The following ANK3 variants were observed in gnomAD, a reference collection of about 807,000 sequenced individuals.
ANK3 encodes ankyrin 3.
ANK3 carries 57 observed loss-of-function variants against 370.9 expected under a neutral mutation model. The observed-to-expected ratio is 0.15, with a 90% CI of 0.12 to 0.19. The LOEUF is 0.19. ANK3 is among the 10% of genes least tolerant of loss of function. ANK3 has a pLI of 1.00. For synonymous variants in ANK3, 1,929 were observed against 1,946.3 expected (o/e 0.99, Z 0.23); for missense variants, 4,439 against 5,302.1 (o/e 0.84, Z 5.06).
chr10:60,495,459 A>G (rs1335275494), intron 2 of ANK3, among the ~76,000 whole-genome samples: 1 of 152,172 alleles, frequency 6.6e-6, no homozygotes, highest in Non-Finnish European at 1.5e-5. Flanking sequence ...CTTCTAGAGT[A>G]TCCTCCATTT....
At chr10:60,439,530 A>C (rs1455466577) in intron 2 of ANK3, among the ~76,000 whole-genome samples, 2 of 152,156 alleles carry the variant, frequency 1.3e-5, no homozygotes, top group Non-Finnish European at 1.5e-5. Context: ...TTAAAAAAAA[A>C]CAAAAAACAC....
chr10:60,593,480 G>C (rs527860428), intron 2 of ANK3, among the ~76,000 whole-genome samples: 1 of 152,062 alleles, frequency 6.6e-6, no homozygotes, highest in Non-Finnish European at 1.5e-5. Context: ...GCAGCTTTAG[G>C]ACAAATAGCC....
At chr10:60,049,979 G>C (rs2077617210) in intron 42 of ANK3, among the ~76,000 whole-genome samples, 1 of 152,180 alleles carries the variant, frequency 6.6e-6, no homozygotes, top group African/African-American at 2.4e-5. Flanking sequence ...GGTGGATTTA[G>C]ATGTAACATT....
intron 42 of ANK3, among the ~76,000 whole-genome samples, chr10:60,051,918 C>T (rs747134025): frequency 2.8e-4 from 42 of 151,948 alleles, no homozygotes; most frequent in Admixed American, 1.0e-3. Flanking sequence ...AGTTTAAAAT[C>T]TATATTCATC....
intron 2 of ANK3, among the ~76,000 whole-genome samples, chr10:60,484,141 T>C (rs1191601122): frequency 2.0e-5 from 3 of 151,958 alleles, no homozygotes; most frequent in Non-Finnish European, 2.9e-5. Flanking sequence ...ATACTGAAAA[T>C]GCATAAGCCA....
rs2044860603 is a variant in ANK3, at chr10:60,305,632, A to G, written c.115-25993T>C. Among the ~76,000 whole-genome samples, 5 of 152,268 alleles carry G rather than the reference A, an allele frequency of 3.3e-5. No individual in the cohort carries two copies. The South Asian group carries it at 1.0e-3, about 32-fold the overall frequency. ...ACTCCAGGATAAATAATCCCTACTC[A>G]TTCAAACTTTCTGTGGTGCTCTTGA... On this transcript the variant is annotated intron_variant, in intron 1 of 43. Transcript: ENST00000280772.
chr10:60,590,084 T>C (rs1227963092), intron 2 of ANK3, among the ~76,000 whole-genome samples: 1 of 152,250 alleles, frequency 6.6e-6, no homozygotes, highest in African/African-American at 2.4e-5. Flanking sequence ...TCTGTATTTC[T>C]CCTTCCAGGT....
intron 1 of ANK3, among the ~76,000 whole-genome samples, chr10:60,304,255 AACACACACAC>A (rs55989975): frequency 6.7e-6 from 1 of 150,152 alleles, no homozygotes; most frequent in East Asian, 1.9e-4. Context: ...AATTGTTCAT[AACACACACAC>A]ACACACACAC....
chr10:60,526,766 A>T (rs1199767600), intron 2 of ANK3, among the ~76,000 whole-genome samples: 2 of 152,146 alleles, frequency 1.3e-5, no homozygotes, highest in Non-Finnish European at 2.9e-5. Context: ...GAAATAAAAA[A>T]ATGTAGGTTG....
At chr10:60,234,615 T>G (rs190797793) in intron 8 of ANK3, 73 bp downstream of exon 8, 4 of 866,006 alleles carry the variant, frequency 4.6e-6, no homozygotes, top group Non-Finnish European at 7.8e-6. Context: ...GTTGTATCAG[T>G]GCAAAGGTAT....
intron 1 of ANK3, chr10:60,733,153 C>A: frequency 1.1e-6 from 1 of 940,862 alleles, no homozygotes. Flanking sequence ...CTGGCACCCC[C>A]AGGAGGGCAG....
intron 28 of ANK3, among the ~76,000 whole-genome samples, chr10:60,097,137 T>C (rs1463011323): frequency 2.0e-5 from 3 of 152,218 alleles, no homozygotes; most frequent in Non-Finnish European, 4.4e-5. Context: ...ACACAGCATT[T>C]TGGTAAAATA....
intron 1 of ANK3, among the ~76,000 whole-genome samples, chr10:60,307,691 T>C (rs2132832256): frequency 6.6e-6 from 1 of 152,224 alleles, no homozygotes; most frequent in African/African-American, 2.4e-5. Flanking sequence ...CCTAGAATGT[T>C]GTGTGATCCT....
chr10:60,618,480 G>T (rs2078293283), intron 1 of ANK3, among the ~76,000 whole-genome samples: 1 of 152,122 alleles, frequency 6.6e-6, no homozygotes, highest in Non-Finnish European at 1.5e-5. Flanking sequence ...CATCCTCTAA[G>T]CAGAGAGAAT....
At chr10:60,103,450 C>A (rs1412213358) in intron 28 of ANK3, among the ~76,000 whole-genome samples, 1 of 149,906 alleles carries the variant, frequency 6.7e-6, no homozygotes, top group African/African-American at 2.5e-5. Flanking sequence ...GTTGTCCCTT[C>A]AAGGAAGAAG....
chr10:60,623,029 A>G (rs188369649), intron 1 of ANK3, among the ~76,000 whole-genome samples: 63 of 152,338 alleles, frequency 4.1e-4, no homozygotes, highest in South Asian at 1.0e-3. Flanking sequence ...GAAACTATTC[A>G]TTTGGCTTTA....
chr10:60,353,142 G>T (rs563064234), intron 1 of ANK3, among the ~76,000 whole-genome samples: 2 of 149,590 alleles, frequency 1.3e-5, no homozygotes, highest in Non-Finnish European at 3.0e-5. Flanking sequence ...CATCACACCT[G>T]GCTAATTTTT....
intron 41 of ANK3, among the ~76,000 whole-genome samples, chr10:60,057,821 T>C (rs2079518376): frequency 6.6e-6 from 1 of 152,222 alleles, no homozygotes; most frequent in East Asian, 1.9e-4. Flanking sequence ...TGACTATATC[T>C]GAACATAGAC....
At chr10:60,518,237 T>A (rs934846091) in intron 2 of ANK3, among the ~76,000 whole-genome samples, 4 of 152,110 alleles carry the variant, frequency 2.6e-5, no homozygotes, top group Non-Finnish European at 4.4e-5. Flanking sequence ...ACTTCTTCTA[T>A]CTTCAGATGA....
Sources: allele counts gnomAD v4.1 joint callset (sites outside exome capture counted in the v4.1 genomes callset), GRCh38; gene constraint gnomAD v4.1.1; transcripts MANE v1.5; gene names NCBI Gene and HGNC (gene_info 2026-07-23, HGNC 2026-07-21).